The following TMEM259 variants were observed in gnomAD, a reference collection of about 807,000 sequenced individuals.
The protein encoded by TMEM259 is membralin.
Under a neutral mutation model 46.7 loss-of-function variants are expected in TMEM259, and 26 were observed. The observed-to-expected ratio is 0.56, with a 90% confidence interval of 0.41 to 0.77. TMEM259 has a LOEUF of 0.77. Among genes scored for constraint, TMEM259 ranks in the 30% least tolerant of loss-of-function variants. TMEM259 has a pLI of 0.00. For missense variants in TMEM259, 930 were observed against 900.5 expected, an observed-to-expected ratio of 1.03 and a Z score of -0.42; for synonymous variants, 494 against 395.1, an observed-to-expected ratio of 1.25 and a Z score of -2.97.
chr19:1,015,755 A>G (rs1001770523), intron 1 of TMEM259, among the ~76,000 whole-genome samples: 1 of 152,172 alleles, frequency 6.6e-6, no homozygotes, highest in African/African-American at 2.4e-5. Context: ...AGGTGCACCA[A>G]TGCCCGGGGT....
chr19:1,013,270 T>G lies in TMEM259; in HGVS notation c.578A>C (p.Glu193Ala). The part of the protein sequence containing the change: ...SSTEALNDSQ[E>A]FPFPETPTKV... ...GGTGGGCGTCTCGGGGAAGGGGAAC[T>G]CCTGGCTGTCATTCAGGGCCTCTGT... The change falls in exon 3 of 11, where the codon GAG (glutamate) becomes GCG (alanine). Residue 193 changes from glutamate (E) to alanine (A), a missense_variant. By Grantham distance (107) the Glu-to-Ala change is moderately radical (BLOSUM62 -1). Coordinates refer to ENST00000356663, the MANE Select transcript of TMEM259 (RefSeq NM_001033026.2). The G allele has an allele frequency of 6.2e-7, 1 of 1,613,806 alleles. No individual in the cohort carries two copies. The highest frequency in any genetic ancestry group is 8.5e-7 in the Non-Finnish European group (1 of 1,179,794).
At position 1,009,919 on chromosome 19, in the gene TMEM259, A is replaced by G. The variant is rs1348667240; in HGVS notation, c.*431T>C. ...ACACGCGGGGAGGGCGGGGCCATGG[A>G]GAAGGCACTGCAGGGAGCACCAGGC... On this transcript the variant is annotated 3_prime_UTR_variant, in exon 11 of 11. Transcript: ENST00000356663. The G allele has an allele frequency of 3.0e-6, 1 of 333,916 alleles. No individual in the cohort carries two copies. The highest frequency in any genetic ancestry group is 5.5e-6 in the Non-Finnish European group (1 of 182,948). The allele number at this position is 333,916 out of a possible 1,614,324, so 20.7% of individuals were successfully genotyped here.
rs768814792 is a variant in TMEM259, at chr19:1,012,236, C to G, written c.719-48G>C. Reference sequence around the variant, plus strand: ...GCCGGGAGCCCCGCCCAGGCCACCCCCTGGGCCCTGCCCCAGCTGGCTCCA... The same window carrying G: ...GCCGGGAGCCCCGCCCAGGCCACCCGCTGGGCCCTGCCCCAGCTGGCTCCA... On this transcript the variant is annotated intron_variant, in intron 4 of 10. Transcript: ENST00000356663. 4.0e-5 allele frequency: 63 copies of G among 1,560,788 alleles called. No homozygotes were observed. The Admixed American group carries it at 1.1e-3, about 28-fold the overall frequency.
chr19:1,017,959 C>G (rs1456761078), intron 1 of TMEM259, among the ~76,000 whole-genome samples: 2 of 152,192 alleles, frequency 1.3e-5, no homozygotes, highest in African/African-American at 4.8e-5. Context: ...GTCCCCCATT[C>G]AGAGCAGGGC....
intron 1 of TMEM259, among the ~76,000 whole-genome samples, chr19:1,018,259 A>T (rs2039174545): frequency 1.3e-5 from 2 of 152,158 alleles, no homozygotes; most frequent in Non-Finnish European, 2.9e-5. Context: ...GGCCCCTGGA[A>T]CACAGGCCCC....
intron 2 of TMEM259, among the ~76,000 whole-genome samples, chr19:1,013,892 G>A (rs907321491): frequency 3.9e-5 from 6 of 151,970 alleles, no homozygotes; most frequent in African/African-American, 7.3e-5. Context: ...TGCATCCCCA[G>A]CCCCAGCCAA....
rs1186363893 is a variant in TMEM259, at chr19:1,009,892, G to A, written c.*458C>T. 2 of 362,728 alleles carry A rather than the reference G, an allele frequency of 5.5e-6. No individual in the cohort carries two copies. Among genetic ancestry groups the A allele is most frequent in the Non-Finnish European group, 9.9e-6 (2 of 201,356 alleles). 22.5% of individuals were successfully genotyped at this position (362,728 alleles called of 1,614,324 possible). Reference sequence around the variant, plus strand: ...CTCTCCCGGGGACCCCAAGCCTGGCGCACACGCGGGGAGGGCGGGGCCATG... The same window carrying A: ...CTCTCCCGGGGACCCCAAGCCTGGCACACACGCGGGGAGGGCGGGGCCATG... On this transcript the variant is annotated 3_prime_UTR_variant, in exon 11 of 11. Coordinates refer to ENST00000356663, the MANE Select transcript of TMEM259 (RefSeq NM_001033026.2).
Position 1,011,769 on chromosome 19 carries a change from G to C in TMEM259, c.972C>G (p.Tyr324Ter). ...FTLSVSMLLRYSHHQIFVFIV... is the reference protein window; with the variant it reads ...FTLSVSMLLR ...TGAAGACGAAGATCTGGTGGTGTGA[G>C]TACCGCAGCAGCATGGACACGCTCA... Residue 324 changes from tyrosine to a stop codon, truncating the protein, a stop_gained, in exon 7 of 11, where the codon TAC (tyrosine) becomes TAG (stop). Coordinates refer to ENST00000356663, the MANE Select transcript of TMEM259 (RefSeq NM_001033026.2). LOFTEE classifies it high-confidence loss of function. The C allele has an allele frequency of 1.9e-6, 3 of 1,562,156 alleles. No individual in the cohort carries two copies. Among genetic ancestry groups the C allele is most frequent in the Non-Finnish European group, 2.6e-6 (3 of 1,152,950 alleles).
At position 1,010,320 on chromosome 19, in the gene TMEM259, C is replaced by G. The variant is rs1037151771; in HGVS notation, c.*30G>C. On this transcript the variant is annotated 3_prime_UTR_variant, in exon 11 of 11. Transcript: ENST00000356663. ...GCTCGGGAAGGTCAGGCCCAGCCAG[C>G]AGGGGTCAGAGGCGGCTCAGCTGTG... 12 of 1,440,920 alleles carry G rather than the reference C, an allele frequency of 8.3e-6. No homozygotes were observed. In the African/African-American group the frequency reaches 1.1e-4, roughly 13 times the overall value. 89.3% of individuals were successfully genotyped at this position (1,440,920 alleles called of 1,614,324 possible).
Position 1,011,973 on chromosome 19 carries a change from C to T in TMEM259, c.861G>A (p.Val287=). The change falls in exon 6 of 11, where the codon GTG becomes GTA. Residue 287 remains valine, a synonymous_variant. Coordinates refer to ENST00000356663, the MANE Select transcript of TMEM259 (RefSeq NM_001033026.2). The part of the protein sequence containing the change: ...EENKGFLRNV[V]SGEHYRFVSM... ...TCACAAAGCGGTAGTGCTCGCCCGA[C>T]ACCACATTCCGCAGGAAGCCTGCAG... 2 of 1,612,148 alleles carry T rather than the reference C, an allele frequency of 1.2e-6. No individual in the cohort carries two copies.
rs1386372356 is a variant in TMEM259, at chr19:1,010,676, G to A, written c.1537C>T (p.Pro513Ser). 6 of 1,533,744 alleles carry A rather than the reference G, an allele frequency of 3.9e-6. No individual in the cohort carries two copies. Among genetic ancestry groups the A allele is most frequent in the East Asian group, 2.4e-5 (1 of 40,854 alleles). The change falls in exon 11 of 11, where the codon CCC (proline) becomes TCC (serine). Residue 513 changes from proline to serine, a missense_variant. Transcript: ENST00000356663. ...GPVSPGASGS[P>S]GPVAAAPSSL... is the part of the protein sequence containing the mutation. Reference sequence around the variant, plus strand: ...CTGGGCGCCGCTGCCACAGGCCCGGGACTCCCGCTGGCCCCAGGCGAGACG... The same window carrying A: ...CTGGGCGCCGCTGCCACAGGCCCGGAACTCCCGCTGGCCCCAGGCGAGACG...
Position 1,010,059 on chromosome 19 carries a change from C to G in TMEM259, c.*291G>C. On this transcript the variant is annotated 3_prime_UTR_variant, in exon 11 of 11. Transcript: ENST00000356663. ...GCACCATGGGACCCCACTCCATCCT[C>G]AGGACGGTTCACTGCAGACCTACCA... The G allele has an allele frequency of 4.7e-6, 2 of 421,720 alleles. No individual in the cohort carries two copies. Among genetic ancestry groups the G allele is most frequent in the Non-Finnish European group, 4.2e-6 (1 of 238,248 alleles). The allele number at this position is 421,720 out of a possible 1,614,324, so 26.1% of individuals were successfully genotyped here.
In TMEM259 at chr19:1,010,639, G is replaced by A. The variant is rs750517552; in HGVS notation, c.1574C>T (p.Ala525Val). 47 of 1,543,228 alleles carry A rather than the reference G, an allele frequency of 3.0e-5. No homozygotes were observed. Among genetic ancestry groups the A allele is most frequent in the Non-Finnish European group, 3.3e-5 (38 of 1,148,392 alleles). Residue 525 changes from alanine (A) to valine (V), a missense_variant, in exon 11 of 11, where the codon GCC (alanine) becomes GTC (valine). Physicochemically the swap from Ala to Val is moderately conservative, Grantham distance 64. Transcript: ENST00000356663. ...PVAAAPSSLV[A>V]AAASVAAAAG... The stretch of plus-strand genomic sequence containing the variant: ...AGCTGCTGCCACTGAGGCTGCCGCG[G>A]CCACCAGGGAGCTGGGCGCCGCTGC...
chr19:1,009,684 A>G lies in TMEM259; in HGVS notation c.*666T>C, dbSNP rs1179083154. The G allele has an allele frequency of 1.7e-6, 2 of 1,154,348 alleles. No homozygotes were observed. The highest frequency in any genetic ancestry group is 2.3e-6 in the Non-Finnish European group (2 of 882,378). 71.5% of individuals were successfully genotyped at this position (1,154,348 alleles called of 1,614,324 possible). A position where few individuals can be genotyped will look rare whatever the true frequency, so the allele number is the denominator to read the frequency against. On this transcript the variant is annotated 3_prime_UTR_variant, in exon 11 of 11. Transcript: ENST00000356663. ...CAACAGACAGTTTATTCTATATACA[A>G]ACACAATTTTGTACACTGCAATTAA...
chr19:1,017,569 G>C (rs923285373), intron 1 of TMEM259: 1 of 397,144 alleles, frequency 2.5e-6, no homozygotes, highest in Non-Finnish European at 4.4e-6. Flanking sequence ...GCCCACACAC[G>C]GCTGCACCCA....
intron 3 of TMEM259, 108 bp from the exon 4 acceptor site, chr19:1,012,681 C>G: frequency 6.9e-7 from 1 of 1,445,354 alleles, no homozygotes; most frequent in Non-Finnish European, 9.2e-7. Context: ...CTGCTGAGCC[C>G]TGGGCCCCAG....
chr19:1,012,605 C>T (rs1194718378), intron 3 of TMEM259, 32 bp from the exon 4 acceptor site: 4 of 1,548,320 alleles, frequency 2.6e-6, no homozygotes, highest in South Asian at 2.4e-5. Flanking sequence ...CAGGTCAGCG[C>T]CCCCACACAC....
rs1010017655 is a variant in TMEM259, at chr19:1,012,140, A to G, written c.767T>C (p.Leu256Pro). 1 of 1,609,656 alleles carries G rather than the reference A, an allele frequency of 6.2e-7. No individual in the cohort carries two copies. Among genetic ancestry groups the G allele is most frequent in the Non-Finnish European group, 8.5e-7 (1 of 1,178,478 alleles). The change falls in exon 5 of 11, where the codon CTG becomes CCG. Residue 256 changes from leucine to proline, a missense_variant. Physicochemically the swap from Leu to Pro is moderately conservative, Grantham distance 98. Coordinates refer to ENST00000356663, the MANE Select transcript of TMEM259 (RefSeq NM_001033026.2). ...CFGDRFSRLLLDEFLGYDDIL... is the reference protein window; with the variant it reads ...CFGDRFSRLLPDEFLGYDDIL... ...GTCATCGTAGCCCAGGAACTCATCC[A>G]GCAGCAGGCGGCTGAAGCGGTCCCC...
intron 1 of TMEM259, chr19:1,017,568 C>A (rs144119542): frequency 2.0e-5 from 8 of 397,192 alleles, no homozygotes; most frequent in South Asian, 1.4e-4. Flanking sequence ...AGCCCACACA[C>A]GGCTGCACCC....
Sources: gnomAD v4.1 joint callset for allele counts (sites outside exome capture counted in the v4.1 genomes callset) on GRCh38, gnomAD v4.1.1 for gene constraint, MANE v1.5 for transcripts, NCBI Gene and HGNC (gene_info 2026-07-23, HGNC 2026-07-21) for gene names.